Variants in BRINP3 observed in about 807,000 individuals in gnomAD.
BRINP3 encodes the protein BMP/retinoic acid inducible neural specific 3, also known as BMP/retinoic acid-inducible neural-specific protein 3.
A neutral mutation model predicts 71.0 loss-of-function variants in BRINP3; 19 were observed. The observed-to-expected ratio is 0.27, with a 90% confidence interval of 0.19 to 0.39. BRINP3 has a LOEUF of 0.39. Ranked by LOEUF, BRINP3 falls within the 10% of genes least tolerant of loss-of-function variation. The pLI is 1.00. For missense variants in BRINP3, 959 were observed against 940.8 expected (o/e 1.02, Z -0.25); for synonymous variants, 380 against 337.7 (o/e 1.13, Z -1.37).
At chr1:190,357,900 G>A (rs1469423816) in intron 2 of BRINP3, among the ~76,000 whole-genome samples, 1 of 151,960 alleles carries the variant, frequency 6.6e-6, no homozygotes, top group Non-Finnish European at 1.5e-5. Flanking sequence ...ACAAAAACAA[G>A]AAATGGGGAA....
chr1:190,340,450 T>C (rs1012479665), intron 2 of BRINP3, among the ~76,000 whole-genome samples: 4 of 151,876 alleles, frequency 2.6e-5, no homozygotes, highest in African/African-American at 4.8e-5. Flanking sequence ...TCTTCCTTCT[T>C]ATTGATTGAT....
chr1:190,103,210 A>G (rs1651849510), intron 7 of BRINP3, among the ~76,000 whole-genome samples: 2 of 151,974 alleles, frequency 1.3e-5, no homozygotes. Context: ...TCAAATTATG[A>G]TTCTGCATGA....
chr1:190,392,420 C>A (rs992743244), intron 2 of BRINP3, among the ~76,000 whole-genome samples: 3 of 151,372 alleles, frequency 2.0e-5, no homozygotes, highest in Non-Finnish European at 4.4e-5. Context: ...AAAGAAAAAA[C>A]CCTGAGAGTA....
chr1:190,180,623 T>C (rs1652947604), intron 6 of BRINP3, among the ~76,000 whole-genome samples: 1 of 152,110 alleles, frequency 6.6e-6, no homozygotes, highest in Admixed American at 6.6e-5. Context: ...TTGTGATGTT[T>C]AAATGAATTG....
intron 6 of BRINP3, among the ~76,000 whole-genome samples, chr1:190,186,470 A>C (rs1463262413): frequency 6.6e-6 from 1 of 152,176 alleles, no homozygotes; most frequent in Non-Finnish European, 1.5e-5. Context: ...TATATTGTGG[A>C]TTTAAAATAC....
intron 6 of BRINP3, among the ~76,000 whole-genome samples, chr1:190,163,349 G>T (rs1651188501): frequency 6.6e-6 from 1 of 151,866 alleles, no homozygotes. Flanking sequence ...GCCTGTAAAA[G>T]AAAACAAATC....
At chr1:190,232,819 C>A (rs974394364) in intron 5 of BRINP3, among the ~76,000 whole-genome samples, 2 of 151,960 alleles carry the variant, frequency 1.3e-5, no homozygotes. Flanking sequence ...TTGGTATAAA[C>A]GTGCTGTCAT....
chr1:190,345,011 C>T (rs1340716298), intron 2 of BRINP3, among the ~76,000 whole-genome samples: 1 of 151,788 alleles, frequency 6.6e-6, no homozygotes, highest in Admixed American at 6.6e-5. Context: ...AAAAAACTGT[C>T]ACAAATGATT....
intron 2 of BRINP3, among the ~76,000 whole-genome samples, chr1:190,358,669 C>A (rs1019757809): frequency 2.0e-5 from 3 of 152,224 alleles, no homozygotes; most frequent in Middle Eastern, 3.4e-3. Context: ...TAGGTATATA[C>A]CCAAAGAATT....
At chr1:190,209,803 G>A (rs1292559925) in intron 6 of BRINP3, among the ~76,000 whole-genome samples, 1 of 152,052 alleles carries the variant, frequency 6.6e-6, no homozygotes, top group Admixed American at 6.6e-5. Flanking sequence ...ATAGATTGCT[G>A]TCTTTATTTT....
intron 2 of BRINP3, among the ~76,000 whole-genome samples, chr1:190,355,932 C>T (rs1042370217): frequency 1.3e-5 from 2 of 151,826 alleles, no homozygotes; most frequent in Non-Finnish European, 2.9e-5. Context: ...ATAATTTATA[C>T]CTAGCGAGAT....
intron 2 of BRINP3, among the ~76,000 whole-genome samples, chr1:190,284,480 T>C (rs1663271459): frequency 6.6e-6 from 1 of 152,036 alleles, no homozygotes; most frequent in Non-Finnish European, 1.5e-5. Context: ...TAGAGTATTT[T>C]TCTGTGTAAA....
At chr1:190,380,008 AAAAAG>A (rs1441900549) in intron 2 of BRINP3, among the ~76,000 whole-genome samples, 57 of 124,618 alleles carry the variant, frequency 4.6e-4, no homozygotes, top group East Asian at 2.6e-3. Flanking sequence ...AAAAAAAAAA[AAAAAG>A]AAAAAAGAAA....
intron 7 of BRINP3, among the ~76,000 whole-genome samples, chr1:190,104,219 C>T (rs563210693): frequency 6.6e-6 from 1 of 152,038 alleles, no homozygotes; most frequent in South Asian, 2.1e-4. Context: ...TGTGATGTAA[C>T]ATTTAGGTTC....
At chr1:190,298,142 T>C (rs1175687589) in intron 2 of BRINP3, among the ~76,000 whole-genome samples, 1 of 152,180 alleles carries the variant, frequency 6.6e-6, no homozygotes, top group Non-Finnish European at 1.5e-5. Flanking sequence ...TATTCCTAAG[T>C]ATCCTCTTAA....
chr1:190,365,411 A>G (rs1355065463), intron 2 of BRINP3, among the ~76,000 whole-genome samples: 1 of 151,626 alleles, frequency 6.6e-6, no homozygotes. Flanking sequence ...TGAACAAACT[A>G]GACAGAATCC....
Position 190,136,277 on chromosome 1 carries a change from T to C in BRINP3, c.1184+24391A>G, listed in dbSNP as rs1357175848. 2.6e-5 allele frequency among the ~76,000 whole-genome samples: 4 copies of C among 152,264 alleles called. No homozygotes were observed. In the South Asian group the frequency reaches 8.3e-4, roughly 32 times the overall value. On this transcript the variant is annotated intron_variant, in intron 7 of 7. Coordinates refer to ENST00000367462, the MANE Select transcript of BRINP3 (RefSeq NM_199051.3). Reference sequence around the variant, plus strand: ...ATACATCCTTAGAGTTTTAAAAATGTTGACTTAATTAGCAATGCACTTAAA... The same window carrying C: ...ATACATCCTTAGAGTTTTAAAAATGCTGACTTAATTAGCAATGCACTTAAA...
chr1:190,467,484 C>A (rs1473133478), intron 1 of BRINP3, among the ~76,000 whole-genome samples: 1 of 151,464 alleles, frequency 6.6e-6, no homozygotes, highest in Non-Finnish European at 1.5e-5. Context: ...TAAAGCATGT[C>A]AGAACTCTGG....
intron 2 of BRINP3, among the ~76,000 whole-genome samples, chr1:190,357,745 T>A (rs1002663136): frequency 6.6e-6 from 1 of 151,928 alleles, no homozygotes; most frequent in African/African-American, 2.4e-5. Context: ...ATTGAATCTA[T>A]AAATTACCTT....
Sources: allele counts gnomAD v4.1 joint callset (sites outside exome capture counted in the v4.1 genomes callset), GRCh38; gene constraint gnomAD v4.1.1; transcripts MANE v1.5; gene names NCBI Gene and HGNC (gene_info 2026-07-23, HGNC 2026-07-21).